Variants in ESCO2 observed in about 807,000 individuals in gnomAD.
ESCO2 encodes establishment of sister chromatid cohesion N-acetyltransferase 2.
Under a neutral mutation model 61.7 loss-of-function variants are expected in ESCO2, and 51 were observed. That is an observed-to-expected ratio of 0.83 (90% CI 0.66 to 1.04). The LOEUF (loss-of-function observed/expected upper bound fraction) is 1.04. Ranked by LOEUF, ESCO2 falls within the 50% of genes least tolerant of loss-of-function variation. ESCO2 has a pLI of 0.00. For synonymous variants in ESCO2, 230 were observed against 238.2 expected (o/e 0.97, Z 0.32); for missense variants, 692 against 686.2 (o/e 1.01, Z -0.09).
chr8:27,794,310 G>A (rs769233542), intron 9 of ESCO2, among the ~76,000 whole-genome samples: 2 of 152,194 alleles, frequency 1.3e-5, no homozygotes, highest in African/African-American at 4.8e-5. Flanking sequence ...TCTAACAGGC[G>A]TGAGGTGATC....
Position 27,776,545 on chromosome 8 carries a change from T to G in ESCO2, c.237T>G (p.Ser79=), listed in dbSNP as rs1461175569. 1 of 1,614,162 alleles carries G rather than the reference T, an allele frequency of 6.2e-7. No individual in the cohort carries two copies. The highest frequency in any genetic ancestry group is 2.2e-5 in the East Asian group (1 of 44,872). Residue 79 remains serine, a synonymous_variant, in exon 3 of 11, where the codon TCT becomes TCG. Transcript: ENST00000305188. ...PSANQGSPFK[S]ALSTVSFYNQ... The stretch of plus-strand genomic sequence containing the variant: ...CAAATCAAGGCTCACCATTTAAATC[T>G]GCGCTCTCCACTGTATCTTTTTACA...
the ESCO2 span, among the ~76,000 whole-genome samples, chr8:27,818,922 G>GT: frequency 6.6e-6 from 1 of 151,980 alleles, no homozygotes; most frequent in African/African-American, 2.4e-5. Context: ...AAACAGCTGT[G>GT]TTTTTTTCTA....
downstream of ESCO2, among the ~76,000 whole-genome samples, chr8:27,805,919 A>G (rs1304622715): frequency 6.6e-6 from 1 of 152,116 alleles, no homozygotes; most frequent in Admixed American, 6.5e-5. Context: ...GGTGTGAGCC[A>G]CGGCACCCAG....
intron 9 of ESCO2, among the ~76,000 whole-genome samples, chr8:27,796,377 T>C (rs748896607): frequency 3.3e-5 from 5 of 152,156 alleles, no homozygotes; most frequent in Non-Finnish European, 5.9e-5. Context: ...AACTCTTCAT[T>C]TTGCGAATCT....
chr8:27,792,819 A>G lies in ESCO2; in HGVS notation c.1497+8A>G, dbSNP rs1805208329. ...GCAGAACCCATCAAACAGGTATGGT[A>G]TATTTGTTTTAAATTATTGGCATAA... is the stretch of plus-strand genomic sequence containing the variant. On this transcript the variant is annotated splice_region_variant and intron_variant, in intron 9 of 10. Transcript: ENST00000305188. The G allele has an allele frequency of 1.9e-6, 3 of 1,567,214 alleles. No individual in the cohort carries two copies.
chr8:27,791,220 G>A (rs1805168222), intron 7 of ESCO2, among the ~76,000 whole-genome samples: 1 of 152,054 alleles, frequency 6.6e-6, no homozygotes, highest in African/African-American at 2.4e-5. Context: ...TCATATCTTT[G>A]ATGTCTTTCA....
upstream of ESCO2, chr8:27,772,615 G>T: frequency 1.4e-6 from 2 of 1,465,694 alleles, no homozygotes; most frequent in Non-Finnish European, 1.9e-6. Context: ...TACCAGACTC[G>T]CGGCGGCCGC....
chr8:27,780,945 TTA>T (rs1334415820), intron 4 of ESCO2, among the ~76,000 whole-genome samples: 1 of 152,208 alleles, frequency 6.6e-6, no homozygotes, highest in African/African-American at 2.4e-5. Context: ...TTAGTATACG[TTA>T]TGTTTTTCAT....
At chr8:27,803,188 T>A (rs1461608272) in intron 10 of ESCO2, 118 bp from the exon 11 acceptor site, 1 of 898,408 alleles carries the variant, frequency 1.1e-6, no homozygotes, top group East Asian at 2.5e-5. Context: ...TATAAGGCAT[T>A]TTTTCACTTA....
chr8:27,786,530 T>C (rs955113763), intron 5 of ESCO2, among the ~76,000 whole-genome samples: 23 of 152,252 alleles, frequency 1.5e-4, no homozygotes, highest in Non-Finnish European at 1.8e-4. Context: ...TTTGCTCATA[T>C]AGCCTCCAGT....
the ESCO2 span, among the ~76,000 whole-genome samples, chr8:27,817,911 T>G: frequency 6.6e-6 from 1 of 152,190 alleles, no homozygotes; most frequent in African/African-American, 2.4e-5. Context: ...TTGTCCAATG[T>G]GGTAACCATT....
downstream of ESCO2, among the ~76,000 whole-genome samples, chr8:27,815,819 A>C (rs1341532527): frequency 6.6e-6 from 1 of 152,234 alleles, no homozygotes; most frequent in Non-Finnish European, 1.5e-5. Context: ...CATAGTATTT[A>C]AACATAATGG....
intron 3 of ESCO2, 193 bp from the exon 4 acceptor site, chr8:27,779,981 G>A (rs550153351): frequency 1.9e-5 from 10 of 530,454 alleles, no homozygotes; most frequent in African/African-American, 1.7e-4. Flanking sequence ...TGGCTTTAAA[G>A]GTAATGTACG....
At chr8:27,790,870 C>G (rs1276363024) in intron 7 of ESCO2, among the ~76,000 whole-genome samples, 1 of 152,186 alleles carries the variant, frequency 6.6e-6, no homozygotes, top group African/African-American at 2.4e-5. Context: ...TTGGACACTT[C>G]TGCACCATCC....
chr8:27,782,943 A>G lies in ESCO2; in HGVS notation c.956-1057A>G, dbSNP rs573363392. ...ATTCATTTCTCACAGTCTGCATTCC[A>G]TCTTAGGCTACCTCAGTAGCCTGGT... On this transcript the variant is annotated intron_variant, in intron 4 of 10. Transcript: ENST00000305188. Among the ~76,000 whole-genome samples the G allele has an allele frequency of 4.6e-5, 7 of 152,122 alleles. No homozygotes were observed. The South Asian group carries it at 1.5e-3, about 32-fold the overall frequency.
chr8:27,811,066 C>G (rs1159832254), downstream of ESCO2: 8 of 1,612,970 alleles, frequency 5.0e-6, no homozygotes, highest in South Asian at 5.5e-5. Flanking sequence ...GTAATAACAC[C>G]ATTCTCCTCC....
At chr8:27,789,907 G>T (rs532460082) in intron 7 of ESCO2, among the ~76,000 whole-genome samples, 1 of 152,052 alleles carries the variant, frequency 6.6e-6, no homozygotes, top group South Asian at 2.1e-4. Flanking sequence ...TCCTATATAT[G>T]TGCATATAAA....
At chr8:27,785,797 T>A (rs1365518452) in intron 5 of ESCO2, among the ~76,000 whole-genome samples, 2 of 152,246 alleles carry the variant, frequency 1.3e-5, no homozygotes, top group East Asian at 1.9e-4. Context: ...AATTTGAGAT[T>A]TAATCTATTA....
At chr8:27,815,629 T>C (rs1805796180), downstream of ESCO2, among the ~76,000 whole-genome samples, 1 of 152,194 alleles carries the variant, frequency 6.6e-6, no homozygotes, top group Non-Finnish European at 1.5e-5. Context: ...TGTGTACACA[T>C]ACATTCTAAG....
Sources: gnomAD v4.1 joint callset for allele counts (sites outside exome capture counted in the v4.1 genomes callset) on GRCh38, gnomAD v4.1.1 for gene constraint, MANE v1.5 for transcripts, NCBI Gene and HGNC (gene_info 2026-07-23, HGNC 2026-07-21) for gene names.